Variants in ODR4 observed in about 807,000 individuals in gnomAD.
The protein encoded by ODR4 is odr-4 GPCR localization factor homolog, also known as protein odr-4 homolog.
A neutral mutation model predicts 60.2 loss-of-function variants in ODR4; 47 were observed. The observed-to-expected ratio is 0.78, with a 90% CI of 0.62 to 1.00. The LOEUF is 1.00. Among genes scored for constraint, ODR4 ranks in the 50% least tolerant of loss-of-function variants. ODR4 has a pLI of 0.00. For synonymous variants in ODR4, 178 were observed against 175.5 expected, an observed-to-expected ratio of 1.01 and a Z score of -0.11; for missense variants, 488 against 530.8, an observed-to-expected ratio of 0.92 and a Z score of 0.79.
intron 11 of ODR4, among the ~76,000 whole-genome samples, chr1:186,400,108 C>T (rs1209205645): frequency 6.7e-6 from 1 of 149,932 alleles, no homozygotes; most frequent in Non-Finnish European, 1.5e-5. Flanking sequence ...TCTCCTGCCT[C>T]AGCCTCCTGT....
chr1:186,431,551 A>G, the ODR4 span, among the ~76,000 whole-genome samples: 6,447 of 152,274 alleles, frequency 0.042, 458 homozygotes, highest in African/African-American at 0.15. Flanking sequence ...TAGAAGGTCA[A>G]TATTTGTCAG....
At chr1:186,392,871 G>A (rs972785281) in intron 8 of ODR4, among the ~76,000 whole-genome samples, 6 of 152,160 alleles carry the variant, frequency 3.9e-5, no homozygotes, top group African/African-American at 1.4e-4. Flanking sequence ...GGGTGTGGTG[G>A]CAGGTGCCTG....
intron 3 of ODR4, among the ~76,000 whole-genome samples, chr1:186,383,444 T>C (rs1356436588): frequency 6.6e-6 from 1 of 152,050 alleles, no homozygotes; most frequent in Non-Finnish European, 1.5e-5. Flanking sequence ...AAAAATAGAA[T>C]TATTTCCTTT....
At position 186,420,571 on chromosome 1, in the gene ODR4, AAG is replaced by A. The variant is rs1558105939; in HGVS notation, c.*1497_*1498del. ...GTTGGAACCACAGGCAGATCTGAAA[AAG>A]AACCAAATAGAGCTCCTAAAAATGA... is the stretch of plus-strand genomic sequence containing the variant. On this transcript the variant is annotated 3_prime_UTR_variant, in exon 14 of 14. Transcript: ENST00000287859. The A allele has an allele frequency of 6.6e-6, 1 of 152,240 alleles. No individual in the cohort carries two copies. Among genetic ancestry groups the A allele is most frequent in the African/African-American group, 2.4e-5 (1 of 41,464 alleles). The allele number at this position is 152,240 out of a possible 1,614,324, so 9.4% of individuals were successfully genotyped here. A position where few individuals can be genotyped will look rare whatever the true frequency, so the allele number is the denominator to read the frequency against.
At chr1:186,422,337 C>T (rs910442155), downstream of ODR4, among the ~76,000 whole-genome samples, 3 of 152,010 alleles carry the variant, frequency 2.0e-5, no homozygotes, top group African/African-American at 7.2e-5. Flanking sequence ...AATGTATGAA[C>T]TGAAGCAACA....
intron 11 of ODR4, among the ~76,000 whole-genome samples, chr1:186,399,592 A>C (rs1660843034): frequency 1.3e-5 from 2 of 152,222 alleles, no homozygotes; most frequent in African/African-American, 2.4e-5. Context: ...AAAAAAATTA[A>C]TTCCAAGTGA....
rs963038457 is a variant in ODR4 at position 186,408,633 on chromosome 1, T to C, written c.1186+2365T>C. The stretch of plus-strand genomic sequence containing the variant: ...GAACATGTTTATATGTTTATATGAA[T>C]ATGTTTATAAAATATATAATATAAA... On this transcript the variant is annotated intron_variant, in intron 12 of 13. Transcript: ENST00000287859. Among the ~76,000 whole-genome samples the C allele has an allele frequency of 8.0e-5, 12 of 149,546 alleles. No individual in the cohort carries two copies. The East Asian group carries it at 2.3e-3, about 29-fold the overall frequency.
intron 7 of ODR4, 37 bp from the exon 8 acceptor site, chr1:186,391,659 T>C (rs1011576769): frequency 4.6e-6 from 6 of 1,300,874 alleles, no homozygotes; most frequent in Middle Eastern, 4.1e-4. Flanking sequence ...GAGATGGCAT[T>C]GTATCTGAAA....
At chr1:186,405,241 A>G (rs1661127875) in intron 11 of ODR4, among the ~76,000 whole-genome samples, 1 of 152,168 alleles carries the variant, frequency 6.6e-6, no homozygotes, top group Non-Finnish European at 1.5e-5. Flanking sequence ...GATGTCCTAA[A>G]CATGCTTGAT....
In ODR4 at chr1:186,406,319, T is replaced by G. The variant is rs1208690936; in HGVS notation, c.1186+51T>G. 4 of 1,352,402 alleles carry G rather than the reference T, an allele frequency of 3.0e-6. No individual in the cohort carries two copies. The East Asian group carries it at 9.9e-5, about 34-fold the overall frequency. 83.8% of individuals were successfully genotyped at this position (1,352,402 alleles called of 1,614,324 possible). A position where few individuals can be genotyped will look rare whatever the true frequency, so the allele number is the denominator to read the frequency against. ...CCTGGTTAGATTACAGCTAAGATTT[T>G]ACCTATGAGATGTCTAGTTTAAATA... On this transcript the variant is annotated intron_variant, in intron 12 of 13. Coordinates refer to ENST00000287859, the MANE Select transcript of ODR4 (RefSeq NM_017847.6).
intron 12 of ODR4, among the ~76,000 whole-genome samples, chr1:186,408,941 T>G (rs1231348441): frequency 6.6e-6 from 1 of 152,120 alleles, no homozygotes; most frequent in Non-Finnish European, 1.5e-5. Flanking sequence ...TGTTGTATGT[T>G]AAACACAAGT....
chr1:186,391,609 T>C (rs1311747756), intron 7 of ODR4, 87 bp from the exon 8 acceptor site: 1 of 829,072 alleles, frequency 1.2e-6, no homozygotes, highest in Non-Finnish European at 2.0e-6. Context: ...AATATTTCAA[T>C]TTATTAGGTG....
At chr1:186,391,104 CTTA>C (rs765786539) in intron 7 of ODR4, among the ~76,000 whole-genome samples, 1 of 151,954 alleles carries the variant, frequency 6.6e-6, no homozygotes, top group Non-Finnish European at 1.5e-5. Flanking sequence ...TATACTAGTA[CTTA>C]TTATGTGCTG....
rs748368309 is a variant in ODR4 at position 186,385,989 on chromosome 1, T to C, written c.236T>C (p.Val79Ala). Residue 79 changes from valine to alanine, a missense_variant and splice_region_variant, in exon 4 of 14, where the codon GTA becomes GCA. Transcript: ENST00000287859. ...EEWATEHACQ[V>A]SRMLPGGLLV... ...CTAATAATATATTTCTATTTTTAGG[T>C]ATCCAGAATGCTACCAGGGGGACTT... The C allele has an allele frequency of 1.9e-6, 3 of 1,560,724 alleles. No individual in the cohort carries two copies. The highest frequency in any genetic ancestry group is 2.3e-5 in the South Asian group (2 of 87,368).
chr1:186,383,214 A>G (rs1327666071), intron 3 of ODR4, 58 bp downstream of exon 3: 1 of 1,502,448 alleles, frequency 6.7e-7, no homozygotes, highest in Non-Finnish European at 8.9e-7. Context: ...AGCTAGAATC[A>G]AGAAGATTTA....
the ODR4 span, among the ~76,000 whole-genome samples, chr1:186,428,127 GC>G: frequency 1.3e-5 from 2 of 152,304 alleles, no homozygotes; most frequent in East Asian, 3.9e-4. Context: ...GTCCTTTGAA[GC>G]TTTGAAGTCA....
intron 3 of ODR4, among the ~76,000 whole-genome samples, chr1:186,384,391 A>G (rs1174596263): frequency 1.3e-5 from 2 of 152,128 alleles, no homozygotes; most frequent in South Asian, 2.1e-4. Context: ...GATCTGCCCC[A>G]TGACCCAAAC....
intron 2 of ODR4, 124 bp downstream of exon 2, chr1:186,380,008 G>A (rs1659964620): frequency 3.7e-6 from 2 of 545,588 alleles, no homozygotes; most frequent in African/African-American, 2.0e-5. Flanking sequence ...GGGGATGGAA[G>A]AAGAAATGTG....
chr1:186,384,028 G>T (rs188400662), intron 3 of ODR4, among the ~76,000 whole-genome samples: 1 of 152,274 alleles, frequency 6.6e-6, no homozygotes, highest in Non-Finnish European at 1.5e-5. Flanking sequence ...GACAAAGCGA[G>T]ACTCTGTCTC....
Sources: gnomAD v4.1 joint callset for allele counts (sites outside exome capture counted in the v4.1 genomes callset) on GRCh38, gnomAD v4.1.1 for gene constraint, MANE v1.5 for transcripts, NCBI Gene and HGNC (gene_info 2026-07-23, HGNC 2026-07-21) for gene names.